NBAS: variants seen among roughly 807,000 people sequenced by gnomAD.
The protein encoded by NBAS is NBAS subunit of NRZ tethering complex, also known as NAG/BC035112 fusion.
Under a neutral mutation model 302.5 loss-of-function variants are expected in NBAS, and 219 were observed. That is an observed-to-expected ratio of 0.72 (90% CI 0.65 to 0.81). The LOEUF (loss-of-function observed/expected upper bound fraction) is 0.81, where lower values mean the gene tolerates loss of function less well. Among genes scored for constraint, NBAS ranks in the 30% least tolerant of loss-of-function variants. The pLI is 0.00. For synonymous variants in NBAS, 1,118 were observed against 1,021.6 expected, an observed-to-expected ratio of 1.09 and a Z score of -1.80; for missense variants, 2,932 against 2,841.6, an observed-to-expected ratio of 1.03 and a Z score of -0.72.
At chr2:14,999,714 A>C in the NBAS span, among the ~76,000 whole-genome samples, 1 of 152,182 alleles carries the variant, frequency 6.6e-6, no homozygotes, top group Non-Finnish European at 1.5e-5. Flanking sequence ...TAAACTACCC[A>C]GTCTTAGGTA....
At chr2:14,792,506 G>A in the NBAS span, among the ~76,000 whole-genome samples, 1 of 151,958 alleles carries the variant, frequency 6.6e-6, no homozygotes, top group Admixed American at 6.6e-5. Flanking sequence ...GCTAGCCCAG[G>A]AAAACATCAA....
chr2:15,514,651 G>A (rs909962947), intron 9 of NBAS, among the ~76,000 whole-genome samples: 11 of 151,054 alleles, frequency 7.3e-5, no homozygotes, highest in African/African-American at 2.7e-4. Context: ...ATATATATTT[G>A]TATTAAAAAC....
At chr2:14,875,618 A>G in the NBAS span, among the ~76,000 whole-genome samples, 1 of 152,200 alleles carries the variant, frequency 6.6e-6, no homozygotes, top group Non-Finnish European at 1.5e-5. Flanking sequence ...TCTGTCTCAA[A>G]AAAATAAAAA....
chr2:15,517,644 G>A (rs1011038207), intron 9 of NBAS, among the ~76,000 whole-genome samples: 11 of 152,050 alleles, frequency 7.2e-5, no homozygotes, highest in Admixed American at 2.0e-4. Context: ...CTTGACTTAT[G>A]ATCAGATAAT....
At chr2:15,516,129 G>C (rs1289073673) in intron 9 of NBAS, among the ~76,000 whole-genome samples, 1 of 152,156 alleles carries the variant, frequency 6.6e-6, no homozygotes, top group Non-Finnish European at 1.5e-5. Flanking sequence ...CATGAATGAA[G>C]ACGGAGAGAT....
intron 25 of NBAS, among the ~76,000 whole-genome samples, chr2:15,402,792 T>G (rs1020701759): frequency 3.9e-5 from 6 of 152,190 alleles, no homozygotes; most frequent in Non-Finnish European, 7.4e-5. Flanking sequence ...AATAGATCAA[T>G]ACACAAATCA....
the NBAS span, among the ~76,000 whole-genome samples, chr2:14,873,554 G>T: frequency 2.0e-4 from 30 of 152,034 alleles, no homozygotes; most frequent in South Asian, 6.0e-3. Context: ...TATATACCAG[G>T]ATAGACTATG....
chr2:15,288,563 A>G (rs141322698), intron 41 of NBAS, among the ~76,000 whole-genome samples: 1 of 152,334 alleles, frequency 6.6e-6, no homozygotes, highest in East Asian at 1.9e-4. Context: ...TGAAAAGTTT[A>G]AAACAGGGAA....
the NBAS span, among the ~76,000 whole-genome samples, chr2:14,784,024 G>C: frequency 6.6e-6 from 1 of 152,126 alleles, no homozygotes; most frequent in African/African-American, 2.4e-5. Flanking sequence ...TAACTGGTGT[G>C]AGATGGTATC....
At chr2:15,089,057 C>G in the NBAS span, among the ~76,000 whole-genome samples, 12 of 152,188 alleles carry the variant, frequency 7.9e-5, no homozygotes, top group Admixed American at 7.2e-4. Flanking sequence ...ACCACACCTT[C>G]GGTTCTCCCA....
At chr2:14,927,377 T>C in the NBAS span, among the ~76,000 whole-genome samples, 2 of 152,250 alleles carry the variant, frequency 1.3e-5, no homozygotes, top group Admixed American at 6.5e-5. Context: ...AAGGTTCATC[T>C]ATGCTAAGCA....
chr2:15,088,190 CTGG>C, the NBAS span, among the ~76,000 whole-genome samples: 4 of 152,064 alleles, frequency 2.6e-5, no homozygotes, highest in Admixed American at 1.3e-4. Context: ...GTTTCTCTCA[CTGG>C]TGAAGAGCAA....
intron 47 of NBAS, among the ~76,000 whole-genome samples, chr2:15,229,744 T>C (rs1667301754): frequency 6.6e-6 from 1 of 150,640 alleles, no homozygotes; most frequent in African/African-American, 2.4e-5. Flanking sequence ...ACTGCGCCAT[T>C]GTACTTCCAG....
Position 15,287,201 on chromosome 2 carries a change from A to G in NBAS, c.5028-18T>C, listed in dbSNP as rs763535213. The stretch of plus-strand genomic sequence containing the variant: ...CTAGAGTTCTGCAGAAATGTCCATC[A>G]AGCCCAGGAAGGGAGAGAGGAGAAA... On this transcript the variant is annotated intron_variant, in intron 41 of 51. Transcript: ENST00000281513. 2 of 1,591,260 alleles carry G rather than the reference A, an allele frequency of 1.3e-6. No individual in the cohort carries two copies. Among genetic ancestry groups the G allele is most frequent in the South Asian group, 2.2e-5 (2 of 90,644 alleles).
chr2:15,155,081 G>T, the NBAS span, among the ~76,000 whole-genome samples: 2 of 152,318 alleles, frequency 1.3e-5, no homozygotes, highest in East Asian at 3.9e-4. Context: ...AGCTAGGTAG[G>T]AACGTTAAGC....
chr2:14,998,593 G>A, the NBAS span, among the ~76,000 whole-genome samples: 1 of 152,176 alleles, frequency 6.6e-6, no homozygotes, highest in African/African-American at 2.4e-5. Context: ...AGTAAATCCA[G>A]TATCAGGCTA....
chr2:14,904,842 G>T, the NBAS span, among the ~76,000 whole-genome samples: 1 of 152,234 alleles, frequency 6.6e-6, no homozygotes, highest in African/African-American at 2.4e-5. Context: ...AAGGTCAGGA[G>T]ATCGAGACCA....
At chr2:14,804,450 A>G in the NBAS span, among the ~76,000 whole-genome samples, 2 of 152,200 alleles carry the variant, frequency 1.3e-5, no homozygotes, top group Admixed American at 6.5e-5. Context: ...TGTGAGTTCT[A>G]TGTTAATGAA....
the NBAS span, among the ~76,000 whole-genome samples, chr2:15,123,408 G>A: frequency 2.0e-5 from 3 of 152,186 alleles, no homozygotes; most frequent in Non-Finnish European, 4.4e-5. Flanking sequence ...AGCTGATATA[G>A]TTTGGATGTT....
Sources: gnomAD v4.1 joint callset for allele counts (sites outside exome capture counted in the v4.1 genomes callset) on GRCh38, gnomAD v4.1.1 for gene constraint, MANE v1.5 for transcripts, NCBI Gene and HGNC (gene_info 2026-07-23, HGNC 2026-07-21) for gene names.